The following SLCO3A1 variants were observed in gnomAD, a reference collection of about 807,000 sequenced individuals.
The protein encoded by SLCO3A1 is solute carrier organic anion transporter family member 3A1.
Under a neutral mutation model 63.1 loss-of-function variants are expected in SLCO3A1, and 27 were observed. The ratio of observed to expected loss-of-function variants is 0.43; its 90% CI spans 0.32 to 0.59. The LOEUF (loss-of-function observed/expected upper bound fraction) is 0.59. Ranked by LOEUF, SLCO3A1 falls within the 20% of genes least tolerant of loss-of-function variation. The probability of loss-of-function intolerance (pLI) is 0.09; values close to 1 mark genes in which losing one functional copy is unlikely to be tolerated. For synonymous variants in SLCO3A1, 473 were observed against 409.9 expected (o/e 1.15, Z -1.86); for missense variants, 773 against 945.8 (o/e 0.82, Z 2.40).
downstream of SLCO3A1, among the ~76,000 whole-genome samples, chr15:92,166,481 T>G (rs1268951253): frequency 2.6e-5 from 4 of 152,198 alleles, no homozygotes. Context: ...TTTTAAAGAT[T>G]GGTTGAGTGT....
rs1423655259 is a variant in SLCO3A1, at chr15:91,865,509, C to T, written c.180+11421C>T. 6.6e-6 allele frequency among the ~76,000 whole-genome samples: 1 copy of T among 152,206 alleles called. No homozygotes were observed. Among genetic ancestry groups the T allele is most frequent in the African/African-American group, 2.4e-5 (1 of 41,452 alleles). On this transcript the variant is annotated intron_variant, in intron 1 of 9. Coordinates refer to ENST00000318445, the MANE Select transcript of SLCO3A1 (RefSeq NM_013272.4). The surrounding 1 kb of genome is among the most constrained non-coding windows in gnomAD (Gnocchi z 4.6). ...ACAAATTTTTTGTCTGACAGTCCTG[C>T]AGGCCAGAAGTCTGAAATCAGGGCA...
intron 2 of SLCO3A1, among the ~76,000 whole-genome samples, chr15:91,936,054 G>T (rs1248371472): frequency 6.6e-6 from 1 of 152,220 alleles, no homozygotes; most frequent in Non-Finnish European, 1.5e-5. Context: ...GAGCCAGATG[G>T]TCAAGGTTTG....
At chr15:92,066,956 C>T (rs898482824) in intron 2 of SLCO3A1, among the ~76,000 whole-genome samples, 2 of 152,140 alleles carry the variant, frequency 1.3e-5, no homozygotes, top group Non-Finnish European at 2.9e-5. Flanking sequence ...TATGGAGGAG[C>T]GTAATGAGAA....
chr15:92,084,146 C>T (rs942099884), intron 2 of SLCO3A1, among the ~76,000 whole-genome samples: 1 of 152,158 alleles, frequency 6.6e-6, no homozygotes, highest in African/African-American at 2.4e-5. Context: ...AAAGACAGTA[C>T]AAATATAATA....
At chr15:91,966,226 T>A (rs1399969809) in intron 2 of SLCO3A1, among the ~76,000 whole-genome samples, 1 of 152,108 alleles carries the variant, frequency 6.6e-6, no homozygotes, top group East Asian at 1.9e-4. Flanking sequence ...GTAGCTCAGA[T>A]GAGGTCAGGA....
At chr15:91,977,294 T>C (rs9806203) in intron 2 of SLCO3A1, among the ~76,000 whole-genome samples, 98,448 of 151,944 alleles carry the variant, frequency 0.65, 32,614 homozygotes, top group African/African-American at 0.77. Flanking sequence ...TTCAGCCTCA[T>C]GTTGCTGACC....
chr15:91,970,048 G>T (rs981497030), intron 2 of SLCO3A1, among the ~76,000 whole-genome samples: 2 of 152,130 alleles, frequency 1.3e-5, no homozygotes, highest in Admixed American at 6.5e-5. Flanking sequence ...AGGCAAAAAG[G>T]CTATTTCTGC....
At chr15:92,106,881 G>A (rs2047673901) in intron 4 of SLCO3A1, among the ~76,000 whole-genome samples, 2 of 152,206 alleles carry the variant, frequency 1.3e-5, no homozygotes, top group African/African-American at 4.8e-5. Context: ...CTTGAGCCCT[G>A]CTATGGCTTA....
chr15:91,974,286 A>ATTATTATTAT (rs1281947810), intron 2 of SLCO3A1, among the ~76,000 whole-genome samples: 1 of 149,362 alleles, frequency 6.7e-6, no homozygotes, highest in African/African-American at 2.4e-5. Flanking sequence ...TATTATTATT[A>ATTATTATTAT]TTATTATTAT....
intron 7 of SLCO3A1, among the ~76,000 whole-genome samples, chr15:92,136,832 T>A (rs4777732): frequency 0.074 from 11,203 of 152,234 alleles, 601 homozygotes; most frequent in Admixed American, 0.19. Context: ...AAGGCCCTAT[T>A]CTGTACCTCA....
intron 1 of SLCO3A1, among the ~76,000 whole-genome samples, chr15:91,873,565 C>T (rs1182262796): frequency 2.2e-5 from 3 of 138,654 alleles, no homozygotes; most frequent in Non-Finnish European, 4.7e-5. Context: ...CACACACACA[C>T]ATACATACAT....
At chr15:92,126,371 T>C (rs2047923606) in intron 6 of SLCO3A1, 112 bp downstream of exon 6, 8 of 816,960 alleles carry the variant, frequency 9.8e-6, no homozygotes, top group South Asian at 9.4e-5. Flanking sequence ...AGGAGACGCA[T>C]CACGGCTGCC....
intron 2 of SLCO3A1, among the ~76,000 whole-genome samples, chr15:92,026,785 C>T (rs1221124059): frequency 6.6e-6 from 1 of 152,124 alleles, no homozygotes; most frequent in Non-Finnish European, 1.5e-5. Context: ...AACATTCCCA[C>T]CAAATGTCTA....
chr15:92,123,773 C>T (rs1236324774), intron 5 of SLCO3A1, among the ~76,000 whole-genome samples: 2 of 152,230 alleles, frequency 1.3e-5, no homozygotes, highest in Non-Finnish European at 2.9e-5. Context: ...TCCATTTGCA[C>T]AGTTGCTTCA....
chr15:92,070,378 T>TA (rs1448178139), intron 2 of SLCO3A1, among the ~76,000 whole-genome samples: 1 of 152,228 alleles, frequency 6.6e-6, no homozygotes, highest in African/African-American at 2.4e-5. Context: ...TGCGGTGGCT[T>TA]ACGCCTGTAA....
intron 2 of SLCO3A1, among the ~76,000 whole-genome samples, chr15:91,944,506 G>C (rs1410586022): frequency 6.6e-6 from 1 of 152,086 alleles, no homozygotes; most frequent in African/African-American, 2.4e-5. Context: ...TTTGGCTTCT[G>C]TGCTTACTTA....
intron 2 of SLCO3A1, among the ~76,000 whole-genome samples, chr15:92,080,938 C>CTCTGTG (rs1555430719): frequency 7.8e-6 from 1 of 128,896 alleles, no homozygotes; most frequent in Non-Finnish European, 1.6e-5. Context: ...TACATAGTAG[C>CTCTGTG]TGTGTGTGTG....
At chr15:92,091,396 G>A (rs879273160) in intron 2 of SLCO3A1, among the ~76,000 whole-genome samples, 4 of 152,224 alleles carry the variant, frequency 2.6e-5, no homozygotes, top group Admixed American at 1.3e-4. Context: ...CTGCATCTCA[G>A]TACCTGGCAA....
intron 7 of SLCO3A1, among the ~76,000 whole-genome samples, chr15:92,131,497 TGGG>T (rs1189925531): frequency 4.9e-5 from 7 of 143,742 alleles, no homozygotes; most frequent in African/African-American, 1.8e-4. Context: ...CCCAAGTAGC[TGGG>T]ATTATAGGCA....
Sources: allele counts gnomAD v4.1 joint callset (sites outside exome capture counted in the v4.1 genomes callset), GRCh38; gene constraint gnomAD v4.1.1; non-coding constraint Gnocchi (gnomAD v3.1); transcripts MANE v1.5; gene names NCBI Gene and HGNC (gene_info 2026-07-23, HGNC 2026-07-21).